CFAP300: variants seen among roughly 807,000 people sequenced by gnomAD.
CFAP300 encodes the protein cilia- and flagella-associated protein 300.
CFAP300 carries 32 observed loss-of-function variants against 33.0 expected under a neutral mutation model. The ratio of observed to expected loss-of-function variants is 0.97; its 90% CI spans 0.73 to 1.30. The LOEUF is 1.30. Among genes scored for constraint, CFAP300 ranks in the 50% most tolerant of loss-of-function variants. The probability of loss-of-function intolerance (pLI) is 0.00; values close to 1 mark genes in which losing one functional copy is unlikely to be tolerated. For missense variants in CFAP300, 356 were observed against 318.1 expected (o/e 1.12, Z -0.90); for synonymous variants, 102 against 106.8 (o/e 0.95, Z 0.28).
intron 4 of CFAP300, among the ~76,000 whole-genome samples, chr11:102,075,549 C>T (rs950040461): frequency 6.6e-6 from 1 of 152,086 alleles, no homozygotes; most frequent in Non-Finnish European, 1.5e-5. Context: ...ATTTATGCTC[C>T]TATTTATTTC....
At chr11:102,070,370 C>G (rs1011694677) in intron 4 of CFAP300, among the ~76,000 whole-genome samples, 63 of 152,172 alleles carry the variant, frequency 4.1e-4, no homozygotes, top group Non-Finnish European at 2.9e-5. Context: ...TCTGTAGAGA[C>G]TGTGAATGAG....
intron 2 of CFAP300, among the ~76,000 whole-genome samples, chr11:102,055,439 C>G (rs1381967891): frequency 1.3e-5 from 2 of 148,356 alleles, no homozygotes; most frequent in African/African-American, 5.0e-5. Flanking sequence ...TCACTGCAAC[C>G]TCCACTCCCC....
In CFAP300 at chr11:102,047,502, G is replaced by A; in HGVS notation, c.32G>A (p.Gly11Asp). 6.5e-7 allele frequency: 1 copy of A among 1,535,992 alleles called. No homozygotes were observed. The highest frequency in any genetic ancestry group is 1.2e-5 in the South Asian group (1 of 84,058). ...ACTGGGGAGCTCGGGGACTTGGGTG[G>A]CTACTACTTCAGGTTCTTGCCTCAG... MATGELGDLG[G>D]YYFRFLPQKT... The change falls in exon 1 of 7, where the codon GGC (glycine) becomes GAC (aspartate). Residue 11 changes from glycine to aspartate, a missense_variant. Gly to Asp is a moderately conservative substitution (Grantham distance 94). Transcript: ENST00000434758.
intron 5 of CFAP300, among the ~76,000 whole-genome samples, chr11:102,078,619 A>T (rs2135050180): frequency 6.6e-6 from 1 of 152,384 alleles, no homozygotes; most frequent in Non-Finnish European, 1.5e-5. Context: ...CAGAGGCAAC[A>T]GAATAATATG....
chr11:102,069,943 A>G (rs1942287240), intron 4 of CFAP300, among the ~76,000 whole-genome samples: 1 of 152,198 alleles, frequency 6.6e-6, no homozygotes, highest in African/African-American at 2.4e-5. Flanking sequence ...CTCCAGCCTG[A>G]GTAACAGAGT....
chr11:102,079,332 TC>T (rs1335972019), intron 5 of CFAP300, among the ~76,000 whole-genome samples: 1 of 152,206 alleles, frequency 6.6e-6, no homozygotes, highest in African/African-American at 2.4e-5. Flanking sequence ...GTTATAGTCA[TC>T]CCTTGGGTAA....
chr11:102,047,903 A>T lies in CFAP300; in HGVS notation c.192+7A>T, dbSNP rs770828911. 29 of 1,613,832 alleles carry T rather than the reference A, an allele frequency of 1.8e-5. No homozygotes were observed. Among genetic ancestry groups the T allele is most frequent in the Non-Finnish European group, 2.2e-5 (26 of 1,179,926 alleles). On this transcript the variant is annotated splice_region_variant and intron_variant, in intron 2 of 6. Coordinates refer to ENST00000434758, the MANE Select transcript of CFAP300 (RefSeq NM_032930.3). ...GAAGGATGATTTCGTTATGGTTAGTATGGGGGTCGGAGAGTTCCCTGGGTC... is the reference window on the plus strand; with the variant it reads ...GAAGGATGATTTCGTTATGGTTAGTTTGGGGGTCGGAGAGTTCCCTGGGTC...
chr11:102,066,776 G>A (rs1942234134), intron 4 of CFAP300, 125 bp downstream of exon 4: 1 of 728,532 alleles, frequency 1.4e-6, no homozygotes, highest in Non-Finnish European at 2.2e-6. Context: ...TATAAGTAAT[G>A]ATCGGTAATA....
chr11:102,071,320 G>C (rs1269705035), intron 4 of CFAP300, among the ~76,000 whole-genome samples: 1 of 152,120 alleles, frequency 6.6e-6, no homozygotes, highest in East Asian at 1.9e-4. Context: ...TTTATTTACA[G>C]GTCAAGTGAG....
intron 3 of CFAP300, among the ~76,000 whole-genome samples, chr11:102,062,015 A>T (rs2135028108): frequency 6.6e-6 from 1 of 152,238 alleles, no homozygotes; most frequent in East Asian, 1.9e-4. Context: ...CTTCAATGTG[A>T]TGGTTTTTGG....
chr11:102,071,899 T>G (rs1293110238), intron 4 of CFAP300, among the ~76,000 whole-genome samples: 2 of 152,192 alleles, frequency 1.3e-5, no homozygotes, highest in African/African-American at 4.8e-5. Flanking sequence ...CTCTTTCTCT[T>G]GCTGTTTTTA....
chr11:102,066,942 A>G (rs1229103786), intron 4 of CFAP300, among the ~76,000 whole-genome samples: 2 of 152,250 alleles, frequency 1.3e-5, no homozygotes, highest in Non-Finnish European at 2.9e-5. Context: ...CAACAAAGTT[A>G]TCTGGCTCAA....
In CFAP300 at chr11:102,075,866, G is replaced by A. The variant is rs116126510; in HGVS notation, c.436-7G>A. On this transcript the variant is annotated splice_polypyrimidine_tract_variant and splice_region_variant and intron_variant, in intron 4 of 6. Coordinates refer to ENST00000434758, the MANE Select transcript of CFAP300 (RefSeq NM_032930.3). ...ATGTTACATTAAGATGAATTTTATC[G>A]TCTTAGGTTTTGCTAGTGGAAGACT... 112 of 1,584,718 alleles carry A rather than the reference G, an allele frequency of 7.1e-5. No individual in the cohort carries two copies. The highest frequency in any genetic ancestry group is 6.3e-4 in the Admixed American group (36 of 57,328).
Position 102,047,729 on chromosome 11 carries a change from G to A in CFAP300, c.111-86G>A, listed in dbSNP as rs550345277. 8.2e-5 allele frequency: 125 copies of A among 1,517,162 alleles called. 2 individuals are homozygous for A. The African/African-American group carries it at 1.6e-3, about 20-fold the overall frequency. 94.0% of individuals were successfully genotyped at this position (1,517,162 alleles called of 1,614,324 possible). ...GTGAACCCCGAACCACCCGGGAAGG[G>A]CGGATGCTGTGGGTGGGATCGGTTA... On this transcript the variant is annotated intron_variant, in intron 1 of 6. Coordinates refer to ENST00000434758, the MANE Select transcript of CFAP300 (RefSeq NM_032930.3).
At chr11:102,078,180 G>A (rs10895246) in intron 5 of CFAP300, among the ~76,000 whole-genome samples, 64,770 of 151,942 alleles carry the variant, frequency 0.43, 14,051 homozygotes, top group East Asian at 0.71. Flanking sequence ...GGTGTAAGCC[G>A]CCGCGCCCAG....
intron 5 of CFAP300, among the ~76,000 whole-genome samples, chr11:102,080,753 A>G (rs1347533665): frequency 6.6e-6 from 1 of 152,208 alleles, no homozygotes; most frequent in African/African-American, 2.4e-5. Flanking sequence ...ACTAAAAGGA[A>G]CATATTATTC....
Position 102,083,224 on chromosome 11 carries a change from A to G in CFAP300, c.*25A>G. On this transcript the variant is annotated 3_prime_UTR_variant, in exon 7 of 7. Coordinates refer to ENST00000434758, the MANE Select transcript of CFAP300 (RefSeq NM_032930.3). The stretch of plus-strand genomic sequence containing the variant: ...ATGTTCTTTCAGATTATGTACCTCT[A>G]CTATTTTGTATTTATCATTTTTCTA... The G allele has an allele frequency of 1.4e-6, 2 of 1,417,372 alleles. No individual in the cohort carries two copies. The highest frequency in any genetic ancestry group is 1.7e-5 in the South Asian group (1 of 58,918). 87.8% of individuals were successfully genotyped at this position (1,417,372 alleles called of 1,614,324 possible).
intron 4 of CFAP300, among the ~76,000 whole-genome samples, chr11:102,071,694 T>C (rs558277439): frequency 3.3e-5 from 5 of 152,282 alleles, no homozygotes; most frequent in Non-Finnish European, 7.4e-5. Flanking sequence ...ATACTTTCTC[T>C]TTTATTTATG....
chr11:102,080,499 C>A (rs542006600), intron 5 of CFAP300, among the ~76,000 whole-genome samples: 12 of 151,948 alleles, frequency 7.9e-5, no homozygotes, highest in Non-Finnish European at 1.8e-4. Context: ...CTCATCGCAA[C>A]CTCCGCCTCC....
Sources: gnomAD v4.1 joint callset for allele counts (sites outside exome capture counted in the v4.1 genomes callset) on GRCh38, gnomAD v4.1.1 for gene constraint, MANE v1.5 for transcripts, NCBI Gene and HGNC (gene_info 2026-07-23, HGNC 2026-07-21) for gene names.